Variants in CDK13 observed in about 807,000 individuals in gnomAD.
CDK13 encodes cyclin dependent kinase 13.
Under a neutral mutation model 137.6 loss-of-function variants are expected in CDK13, and 40 were observed. That is an observed-to-expected ratio of 0.29 (90% CI 0.23 to 0.38). CDK13 has a LOEUF of 0.38. Ranked by LOEUF, CDK13 falls within the 10% of genes least tolerant of loss-of-function variation. The pLI, the probability that CDK13 is intolerant of heterozygous loss-of-function variation, is 1.00. For missense variants in CDK13, 1,704 were observed against 1,951.8 expected (o/e 0.87, Z 2.39); for synonymous variants, 869 against 760.1 (o/e 1.14, Z -2.36).
chr7:39,969,701 C>T (rs1783952558), intron 1 of CDK13, among the ~76,000 whole-genome samples: 1 of 151,978 alleles, frequency 6.6e-6, no homozygotes, highest in African/African-American at 2.4e-5. Context: ...TTGATTTTAG[C>T]CATTCTAGTG....
At chr7:40,000,959 T>C (rs1784671150) in intron 4 of CDK13, among the ~76,000 whole-genome samples, 2 of 152,184 alleles carry the variant, frequency 1.3e-5, no homozygotes, top group East Asian at 1.9e-4. Context: ...ACTTAAATTA[T>C]GTGGCAATTT....
At chr7:40,056,000 G>A (rs1475370974) in intron 7 of CDK13, among the ~76,000 whole-genome samples, 2 of 152,014 alleles carry the variant, frequency 1.3e-5, no homozygotes, top group Admixed American at 6.6e-5. Flanking sequence ...TTTTACTTTT[G>A]TCTTTACATT....
chr7:40,077,856 A>C (rs191631366), intron 9 of CDK13, 149 bp from the exon 10 acceptor site: 1 of 445,356 alleles, frequency 2.2e-6, no homozygotes, highest in African/African-American at 2.1e-5. Flanking sequence ...ACTCTGTCTC[A>C]AAAAAAAGAA....
chr7:40,002,129 A>G (rs1784696092), intron 5 of CDK13, 98 bp downstream of exon 5: 2 of 727,040 alleles, frequency 2.8e-6, no homozygotes, highest in Non-Finnish European at 4.6e-6. Context: ...GAGTAATTAC[A>G]AACTATTGCT....
intron 5 of CDK13, among the ~76,000 whole-genome samples, chr7:40,035,861 C>T (rs1055910471): frequency 3.6e-5 from 5 of 139,074 alleles, no homozygotes; most frequent in South Asian, 2.5e-4. Context: ...GGTTGGGAAT[C>T]GCTGCTTTAA....
intron 1 of CDK13, among the ~76,000 whole-genome samples, chr7:39,982,078 A>G (rs1784238341): frequency 6.7e-6 from 1 of 149,578 alleles, no homozygotes; most frequent in Non-Finnish European, 1.5e-5. Flanking sequence ...GGTTAGTTAC[A>G]TATGTATACA....
At chr7:40,004,846 C>T (rs982804754) in intron 5 of CDK13, among the ~76,000 whole-genome samples, 2 of 152,128 alleles carry the variant, frequency 1.3e-5, no homozygotes, top group African/African-American at 2.4e-5. Flanking sequence ...ACTGTTATAA[C>T]TAACTAAGCT....
At chr7:40,065,673 C>T (rs1786264905) in intron 9 of CDK13, among the ~76,000 whole-genome samples, 1 of 151,884 alleles carries the variant, frequency 6.6e-6, no homozygotes, top group Non-Finnish European at 1.5e-5. Flanking sequence ...AAAATCACAA[C>T]CTTAAATATA....
At chr7:40,023,110 T>G (rs956012491) in intron 5 of CDK13, among the ~76,000 whole-genome samples, 3 of 151,212 alleles carry the variant, frequency 2.0e-5, no homozygotes, top group South Asian at 2.1e-4. Context: ...TTTTTTTTTT[T>G]GAGACAGAGT....
chr7:39,966,016 G>A (rs1783863606), intron 1 of CDK13, among the ~76,000 whole-genome samples: 1 of 152,126 alleles, frequency 6.6e-6, no homozygotes, highest in African/African-American at 2.4e-5. Context: ...TCCCTTTGTG[G>A]GTAACCCGAC....
intron 1 of CDK13, among the ~76,000 whole-genome samples, chr7:39,977,454 T>C (rs1784134605): frequency 6.6e-6 from 1 of 152,236 alleles, no homozygotes; most frequent in Non-Finnish European, 1.5e-5. Flanking sequence ...TGATTATTTT[T>C]ATTCTGAGAT....
intron 1 of CDK13, chr7:39,984,494 G>A (rs1784296729): frequency 6.6e-6 from 1 of 151,616 alleles, no homozygotes; most frequent in Non-Finnish European, 1.5e-5. Context: ...AAAATTTTGT[G>A]GGTGCATAGT....
chr7:40,023,563 G>C (rs1246932437), intron 5 of CDK13, among the ~76,000 whole-genome samples: 1 of 150,894 alleles, frequency 6.6e-6, no homozygotes, highest in Non-Finnish European at 1.5e-5. Flanking sequence ...GCAGTGGCAT[G>C]ATCTCGGCTC....
intron 1 of CDK13, 23 bp downstream of exon 1, chr7:39,951,875 T>C: frequency 1.5e-6 from 2 of 1,339,806 alleles, no homozygotes; most frequent in Non-Finnish European, 1.9e-6. Context: ...GTTCTGCCTG[T>C]GTGTGCCTTG....
At chr7:39,983,585 A>G (rs1193597232) in intron 1 of CDK13, among the ~76,000 whole-genome samples, 1 of 152,198 alleles carries the variant, frequency 6.6e-6, no homozygotes, top group Non-Finnish European at 1.5e-5. Flanking sequence ...GTAAATTTCA[A>G]TTAAATATAG....
chr7:39,950,593 C>G lies in CDK13; in HGVS notation c.-49C>G, dbSNP rs2116044435. The G allele has an allele frequency of 7.7e-7, 1 of 1,293,918 alleles. No individual in the cohort carries two copies. 80.2% of individuals were successfully genotyped at this position (1,293,918 alleles called of 1,614,324 possible). A position where few individuals can be genotyped will look rare whatever the true frequency, so the allele number is the denominator to read the frequency against. On this transcript the variant is annotated 5_prime_UTR_variant, in exon 1 of 14. Coordinates refer to ENST00000181839, the MANE Select transcript of CDK13 (RefSeq NM_003718.5). ...GGCGGGGGAGATGGCCAGGATCTGACCCGGGAGGAGGCCGCACCCGCGCCG... is the reference window on the plus strand; with the variant it reads ...GGCGGGGGAGATGGCCAGGATCTGAGCCGGGAGGAGGCCGCACCCGCGCCG...
intron 5 of CDK13, among the ~76,000 whole-genome samples, chr7:40,025,089 A>G (rs1317202707): frequency 2.0e-5 from 3 of 152,210 alleles, no homozygotes; most frequent in African/African-American, 7.2e-5. Context: ...TCACAAAGGT[A>G]TCTCAAACTC....
At chr7:39,966,715 C>T (rs1239793151) in intron 1 of CDK13, among the ~76,000 whole-genome samples, 3 of 152,066 alleles carry the variant, frequency 2.0e-5, no homozygotes, top group East Asian at 1.9e-4. Context: ...TCAGTTTTTC[C>T]GCTCTGTTTT....
intron 5 of CDK13, among the ~76,000 whole-genome samples, chr7:40,018,431 CATT>C (rs1785047777): frequency 4.6e-5 from 7 of 152,052 alleles, no homozygotes; most frequent in African/African-American, 1.7e-4. Context: ...GAAAACAAGT[CATT>C]ATATCAGAAA....
Sources: gnomAD v4.1 joint callset for allele counts (sites outside exome capture counted in the v4.1 genomes callset) on GRCh38, gnomAD v4.1.1 for gene constraint, MANE v1.5 for transcripts, NCBI Gene and HGNC (gene_info 2026-07-23, HGNC 2026-07-21) for gene names.